Variants in SHANK1 observed in about 807,000 individuals in gnomAD.
The protein encoded by SHANK1 is SH3 and multiple ankyrin repeat domains protein 1.
In SHANK1, 35 loss-of-function variants were observed where a neutral mutation model predicts 165.6. That is an observed-to-expected ratio of 0.21 (90% CI 0.16 to 0.28). The LOEUF (loss-of-function observed/expected upper bound fraction) is 0.28. SHANK1 is among the 10% of genes least tolerant of loss of function. SHANK1 has a pLI of 1.00. For synonymous variants in SHANK1, 1,428 were observed against 1,384.8 expected, an observed-to-expected ratio of 1.03 and a Z score of -0.69; for missense variants, 2,681 against 3,036.4, an observed-to-expected ratio of 0.88 and a Z score of 2.75.
At chr19:50,698,587 A>G (rs928296833) in intron 12 of SHANK1, among the ~76,000 whole-genome samples, 1 of 146,550 alleles carries the variant, frequency 6.8e-6, no homozygotes, top group Non-Finnish European at 1.5e-5. Flanking sequence ...CCTGCTGCTG[A>G]AAAACAGAGA....
In SHANK1 at chr19:50,662,036, C is replaced by T. The variant is rs765871665; in HGVS notation, c.6415G>A (p.Asp2139Asn). 7 of 1,614,040 alleles carry T rather than the reference C, an allele frequency of 4.3e-6. No homozygotes were observed. The highest frequency in any genetic ancestry group is 1.3e-5 in the African/African-American group (1 of 74,926). The change falls in exon 24 of 24, where the codon GAT (aspartate) becomes AAT (asparagine). Residue 2139 changes from aspartate (D) to asparagine (N), a missense_variant. Asp to Asn is a conservative substitution (Grantham distance 23). Around this residue, in one of 10 missense-constraint regions of SHANK1, gnomAD observed 49 missense variants for 94.2 expected, o/e 0.52. Coordinates refer to ENST00000293441, the MANE Select transcript of SHANK1 (RefSeq NM_016148.5). This position sits in a 1 kb window ranked among gnomAD's most constrained non-coding sequence, Gnocchi z 7.7. ...LPALTKEDYV[D>N]LGVTRVGHRM... ...TGGCCCACCCTGGTCACACCTAGATCGACGTAGTCCTCCTTGGTCAAGGCG... is the reference window on the plus strand; with the variant it reads ...TGGCCCACCCTGGTCACACCTAGATTGACGTAGTCCTCCTTGGTCAAGGCG...
rs1400476054 is a variant in SHANK1, at chr19:50,715,644, G to T, written c.531+15C>A. 1.2e-6 allele frequency: 2 copies of T among 1,613,232 alleles called. No individual in the cohort carries two copies. Among genetic ancestry groups the T allele is most frequent in the Non-Finnish European group, 1.7e-6 (2 of 1,179,224 alleles). On this transcript the variant is annotated intron_variant, in intron 4 of 23. Transcript: ENST00000293441. ...AGGGGGCTATAGGGGATAGATGCCA[G>T]CAGGGTTTTCTCACCTTCGTGTGCA...
chr19:50,701,651 G>A (rs1473227583), intron 12 of SHANK1, among the ~76,000 whole-genome samples: 1 of 152,148 alleles, frequency 6.6e-6, no homozygotes, highest in Non-Finnish European at 1.5e-5. Context: ...CTAGGAAGTG[G>A]TGGGGTCTGG....
chr19:50,678,020 G>A (rs937356530), intron 21 of SHANK1, among the ~76,000 whole-genome samples: 3 of 152,196 alleles, frequency 2.0e-5, no homozygotes, highest in Non-Finnish European at 4.4e-5. Flanking sequence ...AGTGGCAAGT[G>A]GAAGGAGACA....
In SHANK1 at chr19:50,660,773, GAATC is replaced by G. The variant is rs1255337128; in HGVS notation, c.*1188_*1191del. ...CAAGTGTGCAAGAGGGTTCACAAAA[GAATC>G]AAAAATGCAGAAGGGCAAAGATTTC... On this transcript the variant is annotated 3_prime_UTR_variant, in exon 24 of 24. Coordinates refer to ENST00000293441, the MANE Select transcript of SHANK1 (RefSeq NM_016148.5). Among the ~76,000 whole-genome samples the G allele has an allele frequency of 4.2e-5, 6 of 143,186 alleles. No homozygotes were observed. Among genetic ancestry groups the G allele is most frequent in the African/African-American group, 1.1e-4 (4 of 36,952 alleles). The allele number at this position is 143,186 out of a possible 152,430, so 93.9% of individuals were successfully genotyped here.
intron 3 of SHANK1, 147 bp from the exon 4 acceptor site, chr19:50,715,877 G>A (rs1024070511): frequency 2.6e-6 from 2 of 772,064 alleles, no homozygotes; most frequent in African/African-American, 3.4e-5. Flanking sequence ...TGGAACCTTG[G>A]TCTAGGCGGT....
intron 21 of SHANK1, among the ~76,000 whole-genome samples, chr19:50,673,409 C>A (rs886846072): frequency 6.6e-6 from 1 of 152,202 alleles, no homozygotes; most frequent in Non-Finnish European, 1.5e-5. Flanking sequence ...CTGTCAGCCC[C>A]AGGTCTACCC....
Position 50,662,435 on chromosome 19 carries a change from C to A in SHANK1, c.6016G>T (p.Ala2006Ser). Residue 2006 changes from alanine to serine, a missense_variant, in exon 24 of 24, where the codon GCC becomes TCC. By Grantham distance (99) the Ala-to-Ser change is moderately conservative (BLOSUM62 1). Transcript: ENST00000293441. The surrounding 1 kb of genome is among the most constrained non-coding windows in gnomAD (Gnocchi z 7.7). ...GCAGGGCTGACCTTGTGCTCCGAGG[C>A]GGGCAGCAGCGAGGGGCTGGGGGCC... Reference protein sequence around the residue: ...RRAPSPSLLPASEHKVSPAPR... With the variant: ...RRAPSPSLLPSSEHKVSPAPR... The A allele has an allele frequency of 1.3e-6, 2 of 1,552,476 alleles. No homozygotes were observed. Among genetic ancestry groups the A allele is most frequent in the South Asian group, 1.2e-5 (1 of 81,044 alleles).
At chr19:50,665,901 C>CGCATTCCTGT (rs1200911536) in intron 23 of SHANK1, among the ~76,000 whole-genome samples, 4 of 148,808 alleles carry the variant, frequency 2.7e-5, no homozygotes, top group African/African-American at 7.6e-5. Context: ...GGTGTGGTGG[C>CGCATTCCTGT]ATGGGAGGCT....
In SHANK1 at chr19:50,713,787, C is replaced by T. The variant is rs754366483; in HGVS notation, c.792+11G>A. 4.0e-5 allele frequency: 64 copies of T among 1,611,660 alleles called. No homozygotes were observed. Among genetic ancestry groups the T allele is most frequent in the Admixed American group, 1.0e-4 (6 of 59,956 alleles). ...CCCCATGGCGGGGATGGGGGGTCCC[C>T]GAAGCCTCACCGTGAGTGCCAGGCA... On this transcript the variant is annotated intron_variant, in intron 6 of 23. Coordinates refer to ENST00000293441, the MANE Select transcript of SHANK1 (RefSeq NM_016148.5). This position sits in a 1 kb window ranked among gnomAD's most constrained non-coding sequence, Gnocchi z 6.2.
In SHANK1 at chr19:50,690,861, C is replaced by G. The variant is rs1049558357; in HGVS notation, c.1965-1582G>C. On this transcript the variant is annotated intron_variant, in intron 15 of 23. Transcript: ENST00000293441. This position sits in a 1 kb window ranked among gnomAD's most constrained non-coding sequence, Gnocchi z 4.9. ...TACTGTGCTCCACTGTATTTAGGTA[C>G]CACCCCCACAAGCACCCCTGTATGC... Among the ~76,000 whole-genome samples the G allele has an allele frequency of 6.6e-6, 1 of 152,074 alleles. No homozygotes were observed. The highest frequency in any genetic ancestry group is 2.4e-5 in the African/African-American group (1 of 41,392).
In SHANK1 at chr19:50,662,797, G is replaced by A. The variant is rs1985317197; in HGVS notation, c.5769-115C>T. The A allele has an allele frequency of 1.8e-6, 2 of 1,084,612 alleles. No homozygotes were observed. Among genetic ancestry groups the A allele is most frequent in the Admixed American group, 4.3e-5 (2 of 46,114 alleles). The allele number at this position is 1,084,612 out of a possible 1,614,324, so 67.2% of individuals were successfully genotyped here. ...AGAGAGGAGGAGAGACATAAGGGTA[G>A]GGGGAGAGACGGAGGAGAGACGGGA... On this transcript the variant is annotated intron_variant, in intron 23 of 23. Transcript: ENST00000293441. The surrounding 1 kb of genome is among the most constrained non-coding windows in gnomAD (Gnocchi z 7.7).
At position 50,716,683 on chromosome 19, in the gene SHANK1, G is replaced by A; in HGVS notation, c.237C>T (p.Ile79=). Reference sequence around the variant, plus strand: ...TACTCACTGTCTGGTGCAGGTCCGGGATGCCAATCCTGAAGACCATCATGC... The same window carrying A: ...TACTCACTGTCTGGTGCAGGTCCGGAATGCCAATCCTGAAGACCATCATGC... ...HFSMMVFRIG[I]PDLHQTKCLR... The change falls in exon 2 of 24, where the codon ATC becomes ATT. Residue 79 remains isoleucine (I), a synonymous_variant. Coordinates refer to ENST00000293441, the MANE Select transcript of SHANK1 (RefSeq NM_016148.5). This position sits in a 1 kb window ranked among gnomAD's most constrained non-coding sequence, Gnocchi z 8.4. 3 of 1,582,662 alleles carry A rather than the reference G, an allele frequency of 1.9e-6. No homozygotes were observed. Among genetic ancestry groups the A allele is most frequent in the Non-Finnish European group, 2.6e-6 (3 of 1,164,766 alleles).
chr19:50,674,800 G>A (rs375306603), intron 21 of SHANK1, among the ~76,000 whole-genome samples: 18 of 152,242 alleles, frequency 1.2e-4, no homozygotes, highest in African/African-American at 4.1e-4. Context: ...GGTGGCTCAT[G>A]CCTGTAATCC....
intron 8 of SHANK1, among the ~76,000 whole-genome samples, chr19:50,705,224 C>G (rs1451354535): frequency 6.6e-6 from 1 of 152,006 alleles, no homozygotes; most frequent in Non-Finnish European, 1.5e-5. Flanking sequence ...CGTGTGTAAT[C>G]CCAGCTACTC....
chr19:50,707,019 C>A (rs1340121971), intron 8 of SHANK1, among the ~76,000 whole-genome samples: 2 of 152,194 alleles, frequency 1.3e-5, no homozygotes, highest in Non-Finnish European at 2.9e-5. Flanking sequence ...CTCAGGTGAT[C>A]CGCCTGCCTT....
At chr19:50,701,987 C>A (rs1050332014) in intron 12 of SHANK1, among the ~76,000 whole-genome samples, 15 of 152,164 alleles carry the variant, frequency 9.9e-5, no homozygotes, top group Admixed American at 7.2e-4. Context: ...TAGGTCCCTG[C>A]CTGTCTCTCA....
chr19:50,711,181 G>C (rs2089004206), intron 8 of SHANK1, 190 bp downstream of exon 8: 1 of 580,890 alleles, frequency 1.7e-6, no homozygotes, highest in Non-Finnish European at 3.1e-6. Flanking sequence ...GTAAATATCT[G>C]TTGGATGGAT....
intron 7 of SHANK1, 82 bp downstream of exon 7, chr19:50,711,865 T>A: frequency 6.6e-7 from 1 of 1,504,114 alleles, no homozygotes; most frequent in Non-Finnish European, 9.2e-7. Flanking sequence ...GACCCTGGCA[T>A]CTGGTTCCCA....
Sources: gnomAD v4.1 joint callset for allele counts (sites outside exome capture counted in the v4.1 genomes callset) on GRCh38, gnomAD v4.1.1 for gene constraint, gnomAD v4.1.1 regional missense constraint, Gnocchi (gnomAD v3.1) non-coding constraint, MANE v1.5 for transcripts, NCBI Gene and HGNC (gene_info 2026-07-23, HGNC 2026-07-21) for gene names.